The following GLCCI1 variants were observed in gnomAD, a reference collection of about 807,000 sequenced individuals.
The protein encoded by GLCCI1 is glucocorticoid induced 1.
A neutral mutation model predicts 52.2 loss-of-function variants in GLCCI1; 24 were observed. That is an observed-to-expected ratio of 0.46 (90% CI 0.33 to 0.65). The LOEUF (loss-of-function observed/expected upper bound fraction) is 0.65. Among genes scored for constraint, GLCCI1 ranks in the 30% least tolerant of loss-of-function variants. The probability of loss-of-function intolerance (pLI) is 0.02; values close to 1 mark genes in which losing one functional copy is unlikely to be tolerated. For synonymous variants in GLCCI1, 310 were observed against 276.5 expected (o/e 1.12, Z -1.20); for missense variants, 704 against 701.5 (o/e 1.00, Z -0.04).
Position 8,071,147 on chromosome 7 carries a change from T to A in GLCCI1, c.1177+16T>A. On this transcript the variant is annotated intron_variant, in intron 6 of 7. Coordinates refer to ENST00000223145, the MANE Select transcript of GLCCI1 (RefSeq NM_138426.4). Reference sequence around the variant, plus strand: ...CGTGATAAAGGTAAGAATGGAATTGTCCACTTAGAGGGTTTGTTATGGGCC... The same window carrying A: ...CGTGATAAAGGTAAGAATGGAATTGACCACTTAGAGGGTTTGTTATGGGCC... 1 of 1,605,092 alleles carries A rather than the reference T, an allele frequency of 6.2e-7. No homozygotes were observed. The highest frequency in any genetic ancestry group is 8.5e-7 in the Non-Finnish European group (1 of 1,172,208).
intron 3 of GLCCI1, among the ~76,000 whole-genome samples, chr7:8,048,427 T>C (rs902635493): frequency 5.3e-5 from 8 of 151,766 alleles, no homozygotes; most frequent in Admixed American, 6.6e-5. Flanking sequence ...TTTGGGGAGG[T>C]GGGGGGGTCT....
chr7:7,977,941 A>G (rs1780528811), intron 1 of GLCCI1, among the ~76,000 whole-genome samples: 1 of 152,222 alleles, frequency 6.6e-6, no homozygotes, highest in East Asian at 1.9e-4. Flanking sequence ...CCAGTTAGTT[A>G]TGGGGCAGGA....
chr7:7,990,128 C>G (rs569972661), intron 1 of GLCCI1, among the ~76,000 whole-genome samples: 19 of 152,152 alleles, frequency 1.2e-4, no homozygotes, highest in Admixed American at 6.5e-4. Flanking sequence ...TCCAGTACAT[C>G]TGGAGGTATT....
intron 3 of GLCCI1, among the ~76,000 whole-genome samples, chr7:8,025,819 A>G (rs1781607133): frequency 6.6e-6 from 1 of 152,106 alleles, no homozygotes; most frequent in Non-Finnish European, 1.5e-5. Flanking sequence ...GTGCTGAAAG[A>G]AAAAAAACCA....
intron 5 of GLCCI1, among the ~76,000 whole-genome samples, chr7:8,061,334 T>G (rs1584010488): frequency 1.3e-5 from 2 of 152,276 alleles, no homozygotes; most frequent in African/African-American, 2.4e-5. Context: ...TCTCCTGACC[T>G]CGTGATCCGT....
intron 3 of GLCCI1, chr7:8,024,616 G>T (rs888163798): frequency 6.6e-6 from 1 of 152,170 alleles, no homozygotes; most frequent in Non-Finnish European, 1.5e-5. Flanking sequence ...TGTTGTGTTG[G>T]ATTTATAATT....
chr7:8,065,018 G>T (rs897249625), intron 5 of GLCCI1, among the ~76,000 whole-genome samples: 2 of 152,144 alleles, frequency 1.3e-5, no homozygotes, highest in African/African-American at 2.4e-5. Context: ...CGCCTGGCCA[G>T]TGTGGCCATT....
chr7:8,068,604 C>A (rs1010961902), intron 5 of GLCCI1, among the ~76,000 whole-genome samples: 1 of 150,708 alleles, frequency 6.6e-6, no homozygotes, highest in African/African-American at 2.4e-5. Context: ...TCTTGATGAC[C>A]TTCATTTCTA....
At chr7:8,049,592 T>C (rs1562442045) in intron 3 of GLCCI1, among the ~76,000 whole-genome samples, 1 of 152,322 alleles carries the variant, frequency 6.6e-6, no homozygotes, top group East Asian at 1.9e-4. Context: ...TCAAAAAATA[T>C]AGAAACTTAC....
At chr7:7,995,464 C>G (rs139222857) in intron 1 of GLCCI1, among the ~76,000 whole-genome samples, 1 of 152,214 alleles carries the variant, frequency 6.6e-6, no homozygotes, top group East Asian at 1.9e-4. Context: ...GAGCCGAGAT[C>G]GTGCCACTGC....
At chr7:8,010,433 C>A (rs968987412) in intron 2 of GLCCI1, among the ~76,000 whole-genome samples, 1 of 152,156 alleles carries the variant, frequency 6.6e-6, no homozygotes, top group African/African-American at 2.4e-5. Flanking sequence ...CTTTAGGAAT[C>A]TGCTCCCTGC....
chr7:7,998,251 T>C (rs1780981286), intron 1 of GLCCI1, among the ~76,000 whole-genome samples: 2 of 151,810 alleles, frequency 1.3e-5, no homozygotes, highest in African/African-American at 2.4e-5. Flanking sequence ...AGTCTCGCTC[T>C]TGTCACCCAG....
chr7:7,980,886 C>G, intron 1 of GLCCI1: 2 of 637,354 alleles, frequency 3.1e-6, no homozygotes, highest in East Asian at 2.7e-5. Context: ...TTTAGATGGT[C>G]CATTTTGATG....
In GLCCI1 at chr7:7,969,971, G is replaced by A. The variant is rs1295915416; in HGVS notation, c.457+164G>A. ...TGCGGTCGCTGTGGGGCTTGGAGGA[G>A]CGAACTGAAAAGCGACTTTTATTTG... On this transcript the variant is annotated intron_variant, in intron 1 of 7. Coordinates refer to ENST00000223145, the MANE Select transcript of GLCCI1 (RefSeq NM_138426.4). This position sits in a 1 kb window ranked among gnomAD's most constrained non-coding sequence, Gnocchi z 4.9. The A allele has an allele frequency of 5.0e-6, 5 of 1,002,052 alleles. No homozygotes were observed. Among genetic ancestry groups the A allele is most frequent in the Non-Finnish European group, 6.2e-6 (5 of 809,924 alleles). The allele number at this position is 1,002,052 out of a possible 1,614,324, so 62.1% of individuals were successfully genotyped here.
chr7:8,079,278 G>A (rs200647354), intron 6 of GLCCI1, among the ~76,000 whole-genome samples: 2 of 124,364 alleles, frequency 1.6e-5, no homozygotes, highest in East Asian at 2.4e-4. Flanking sequence ...AATATGTTCT[G>A]TTTTTTGTTT....
At chr7:7,973,590 G>T (rs1780400122) in intron 1 of GLCCI1, among the ~76,000 whole-genome samples, 1 of 151,968 alleles carries the variant, frequency 6.6e-6, no homozygotes, top group Non-Finnish European at 1.5e-5. Context: ...AATTTATATA[G>T]CTCCTGTTTT....
intron 1 of GLCCI1, chr7:7,980,785 A>C: frequency 1.4e-6 from 1 of 695,202 alleles, no homozygotes. Context: ...GAGGTGACAG[A>C]AGGCATTGAC....
intron 1 of GLCCI1, among the ~76,000 whole-genome samples, chr7:7,992,076 TTTC>T (rs1780850096): frequency 4.2e-5 from 6 of 144,366 alleles, no homozygotes; most frequent in Admixed American, 2.8e-4. Context: ...TCTTTCTTTC[TTTC>T]TTTCTTTCTT....
At chr7:7,980,957 G>C in intron 1 of GLCCI1, 1 of 585,952 alleles carries the variant, frequency 1.7e-6, no homozygotes, top group Non-Finnish European at 3.2e-6. Flanking sequence ...CAATTAAAGA[G>C]TGGTAGAGTT....
Sources: gnomAD v4.1 joint callset for allele counts (sites outside exome capture counted in the v4.1 genomes callset) on GRCh38, gnomAD v4.1.1 for gene constraint, Gnocchi (gnomAD v3.1) non-coding constraint, MANE v1.5 for transcripts, NCBI Gene and HGNC (gene_info 2026-07-23, HGNC 2026-07-21) for gene names.